OTUD7B: variants seen among roughly 807,000 people sequenced by gnomAD.
OTUD7B encodes OTU domain-containing protein 7B.
Under a neutral mutation model 82.2 loss-of-function variants are expected in OTUD7B, and 34 were observed. That is an observed-to-expected ratio of 0.41 (90% CI 0.31 to 0.55). The LOEUF (loss-of-function observed/expected upper bound fraction) is 0.55, where lower values mean the gene tolerates loss of function less well. Ranked by LOEUF, OTUD7B falls within the 20% of genes least tolerant of loss-of-function variation. The pLI is 0.20. For synonymous variants in OTUD7B, 398 were observed against 402.7 expected, an observed-to-expected ratio of 0.99 and a Z score of 0.14; for missense variants, 944 against 1,062.1, an observed-to-expected ratio of 0.89 and a Z score of 1.55.
chr1:150,059,424 C>T, the OTUD7B span, among the ~76,000 whole-genome samples: 44 of 150,080 alleles, frequency 2.9e-4, no homozygotes, highest in African/African-American at 1.1e-3. Context: ...GGCTGGAGTG[C>T]AATGGCGCAA....
chr1:149,977,341 G>A (rs1650392164), intron 2 of OTUD7B, 85 bp downstream of exon 2: 2 of 955,402 alleles, frequency 2.1e-6, no homozygotes, highest in Non-Finnish European at 3.4e-6. Context: ...GTATCTTCCT[G>A]ATCACCTTAA....
chr1:150,009,331 C>T (rs1553786793), intron 1 of OTUD7B, among the ~76,000 whole-genome samples: 1 of 152,026 alleles, frequency 6.6e-6, no homozygotes, highest in African/African-American at 2.4e-5. Context: ...CCAGTCTTAC[C>T]GCCACCTCTT....
intron 1 of OTUD7B, among the ~76,000 whole-genome samples, chr1:150,004,138 C>T (rs1049951244): frequency 6.6e-6 from 1 of 152,074 alleles, no homozygotes; most frequent in East Asian, 1.9e-4. Flanking sequence ...CCTTAGCCTA[C>T]CCTCCACAAC....
intron 11 of OTUD7B, among the ~76,000 whole-genome samples, chr1:149,946,434 C>T (rs1647745430): frequency 6.6e-6 from 1 of 151,740 alleles, no homozygotes; most frequent in South Asian, 2.1e-4. Flanking sequence ...AAACAGGAGA[C>T]TAACGGTTTT....
At chr1:149,974,580 C>T (rs1396281034) in intron 2 of OTUD7B, among the ~76,000 whole-genome samples, 4 of 110,060 alleles carry the variant, frequency 3.6e-5, no homozygotes, top group Non-Finnish European at 6.7e-5. Flanking sequence ...GACAGAGTCT[C>T]ACTCTGTCAC....
Position 149,992,445 on chromosome 1 carries a change from C to A in OTUD7B, c.-66-14869G>T, listed in dbSNP as rs190241851. Reference sequence around the variant, plus strand: ...CACCATCCAGAAATCACAGCTATATCTAAATTGTTTTGTGTGCATGTGTTT... The same window carrying A: ...CACCATCCAGAAATCACAGCTATATATAAATTGTTTTGTGTGCATGTGTTT... On this transcript the variant is annotated intron_variant, in intron 1 of 11. Transcript: ENST00000581312. 3.5e-3 allele frequency among the ~76,000 whole-genome samples: 450 copies of A among 129,318 alleles called. 4 individuals are homozygous for A. Among genetic ancestry groups the A allele is most frequent in the African/African-American group, 0.012 (429 of 35,314 alleles). The allele number at this position is 129,318 out of a possible 152,430, so 84.8% of individuals were successfully genotyped here.
At chr1:150,066,903 T>C in the OTUD7B span, 2 of 152,246 alleles carry the variant, frequency 1.3e-5, no homozygotes, top group South Asian at 4.1e-4. The surrounding 1 kb of genome is among the most constrained non-coding windows in gnomAD (Gnocchi z 4.6). Flanking sequence ...ATCCCCACGC[T>C]AGTTTTAGTT....
upstream of OTUD7B, among the ~76,000 whole-genome samples, chr1:150,013,664 TG>T (rs1653166679): frequency 6.6e-6 from 1 of 151,796 alleles, no homozygotes; most frequent in African/African-American, 2.4e-5. Flanking sequence ...GGCTCACGCT[TG>T]TAATACCAGC....
intron 1 of OTUD7B, among the ~76,000 whole-genome samples, chr1:149,987,525 C>T (rs1403561300): frequency 2.0e-5 from 3 of 152,218 alleles, no homozygotes; most frequent in Non-Finnish European, 2.9e-5. Flanking sequence ...AAATAACATA[C>T]GTGAAGCCTT....
the OTUD7B span, chr1:150,054,414 C>A: frequency 1.9e-6 from 1 of 535,682 alleles, no homozygotes; most frequent in East Asian, 4.7e-5. Context: ...AATCAAGTTC[C>A]TCTACAAAGA....
chr1:149,968,733 CAG>C (rs1461879193), intron 3 of OTUD7B, among the ~76,000 whole-genome samples: 2 of 152,114 alleles, frequency 1.3e-5, no homozygotes, highest in Non-Finnish European at 2.9e-5. Flanking sequence ...TTCTTTGAGA[CAG>C]AGTCTCGCTC....
At chr1:150,033,242 A>G in the OTUD7B span, among the ~76,000 whole-genome samples, 1 of 152,190 alleles carries the variant, frequency 6.6e-6, no homozygotes, top group Non-Finnish European at 1.5e-5. Flanking sequence ...GTACATTTCT[A>G]CCAGCCCACT....
At chr1:150,025,603 G>C in the OTUD7B span, among the ~76,000 whole-genome samples, 2 of 152,142 alleles carry the variant, frequency 1.3e-5, no homozygotes, top group African/African-American at 2.4e-5. Flanking sequence ...CACACCAGAG[G>C]GGAATATCAA....
chr1:150,006,810 C>G (rs1220231078), intron 1 of OTUD7B, among the ~76,000 whole-genome samples: 2 of 152,206 alleles, frequency 1.3e-5, no homozygotes, highest in African/African-American at 4.8e-5. Context: ...TGTGTAAACA[C>G]AAAAACTTCT....
chr1:149,950,733 C>G (rs1648127983), intron 7 of OTUD7B, among the ~76,000 whole-genome samples: 1 of 151,604 alleles, frequency 6.6e-6, no homozygotes, highest in Admixed American at 6.6e-5. Flanking sequence ...GTGCTTTTAT[C>G]TCTCACCTTC....
At position 149,944,362 on chromosome 1, in the gene OTUD7B, G is replaced by T. The variant is rs184817451; in HGVS notation, c.2027C>A (p.Pro676Gln). Residue 676 changes from proline (P) to glutamine (Q), a missense_variant, in exon 12 of 12, where the codon CCG becomes CAG. Physicochemically the swap from Pro to Gln is moderately conservative, Grantham distance 76 (BLOSUM62 -1). Coordinates refer to ENST00000581312, the MANE Select transcript of OTUD7B (RefSeq NM_020205.4). The stretch of plus-strand genomic sequence containing the variant: ...CCTGGACTCTGCTGGGGGACCGGTC[G>T]GCTGCTCTTCCCTAGCATCTGGCTC... ...KPEPDAREEQ[P>Q]TGPPAESRAM... 78 of 1,613,610 alleles carry T rather than the reference G, an allele frequency of 4.8e-5. No individual in the cohort carries two copies. The highest frequency in any genetic ancestry group is 6.2e-5 in the Non-Finnish European group (73 of 1,179,728).
chr1:149,988,184 CT>C (rs1242265066), intron 1 of OTUD7B, among the ~76,000 whole-genome samples: 4 of 151,968 alleles, frequency 2.6e-5, no homozygotes, highest in African/African-American at 9.7e-5. Flanking sequence ...CTTTCTCCCC[CT>C]AAGTCAAACA....
At chr1:150,035,552 AC>A in the OTUD7B span, among the ~76,000 whole-genome samples, 1 of 152,030 alleles carries the variant, frequency 6.6e-6, no homozygotes, top group Non-Finnish European at 1.5e-5. Context: ...GCCAACCACA[AC>A]CCTAATGCAA....
chr1:150,014,393 T>A, upstream of OTUD7B, among the ~76,000 whole-genome samples: 1 of 27,582 alleles, frequency 3.6e-5, no homozygotes. Flanking sequence ...AGAGAAAGTG[T>A]CTCAAAAAAA....
Sources: gnomAD v4.1 joint callset for allele counts (sites outside exome capture counted in the v4.1 genomes callset) on GRCh38, gnomAD v4.1.1 for gene constraint, Gnocchi (gnomAD v3.1) non-coding constraint, MANE v1.5 for transcripts, NCBI Gene and HGNC (gene_info 2026-07-23, HGNC 2026-07-21) for gene names.